The following FHIT variants were observed in gnomAD, a reference collection of about 807,000 sequenced individuals.
FHIT encodes bis(5'-adenosyl)-triphosphatase.
In FHIT, 19 loss-of-function variants were observed where a neutral mutation model predicts 17.9. The ratio of observed to expected loss-of-function variants is 1.06; its 90% CI spans 0.74 to 1.56. The LOEUF is 1.56. Among genes scored for constraint, FHIT ranks in the 40% most tolerant of loss-of-function variants. The pLI is 0.00. For synonymous variants in FHIT, 81 were observed against 69.7 expected, an observed-to-expected ratio of 1.16 and a Z score of -0.81; for missense variants, 248 against 189.2, an observed-to-expected ratio of 1.31 and a Z score of -1.82.
intron 5 of FHIT, among the ~76,000 whole-genome samples, chr3:60,057,131 T>C (rs76209364): frequency 0.023 from 3,556 of 152,264 alleles, 54 homozygotes; most frequent in Non-Finnish European, 0.033. Flanking sequence ...GGAAGTGGGA[T>C]TCACTTTGTG....
intron 5 of FHIT, among the ~76,000 whole-genome samples, chr3:60,376,011 C>G (rs957986902): frequency 6.6e-6 from 1 of 152,134 alleles, no homozygotes; most frequent in African/African-American, 2.4e-5. Flanking sequence ...AATAGCTACA[C>G]GTGGTTAGTG....
chr3:60,174,607 T>C (rs1367382476), intron 5 of FHIT, among the ~76,000 whole-genome samples: 1 of 152,046 alleles, frequency 6.6e-6, no homozygotes, highest in African/African-American at 2.4e-5. Flanking sequence ...AGTTGGAACC[T>C]GATTATAAAT....
At chr3:60,438,819 C>T (rs1358643877) in intron 5 of FHIT, among the ~76,000 whole-genome samples, 2 of 152,080 alleles carry the variant, frequency 1.3e-5, no homozygotes, top group Admixed American at 6.6e-5. Flanking sequence ...GTCCGTGGTA[C>T]CCAGAACACC....
chr3:60,361,996 G>A (rs533832373), intron 5 of FHIT, among the ~76,000 whole-genome samples: 3 of 152,088 alleles, frequency 2.0e-5, no homozygotes, highest in East Asian at 1.9e-4. Context: ...GCATCACATC[G>A]TCACTCAACC....
At chr3:60,103,074 C>G (rs553152317) in intron 5 of FHIT, among the ~76,000 whole-genome samples, 122 of 152,260 alleles carry the variant, frequency 8.0e-4, no homozygotes, top group Non-Finnish European at 1.5e-3. Flanking sequence ...TTAATAAAAG[C>G]TAACACATCA....
intron 5 of FHIT, among the ~76,000 whole-genome samples, chr3:60,142,802 G>C (rs1700095955): frequency 6.6e-6 from 1 of 151,538 alleles, no homozygotes; most frequent in African/African-American, 2.4e-5. Context: ...AGGATCACAG[G>C]CTCAGCCACT....
At chr3:61,114,066 T>G (rs1046639482) in intron 2 of FHIT, among the ~76,000 whole-genome samples, 2 of 152,188 alleles carry the variant, frequency 1.3e-5, no homozygotes, top group Non-Finnish European at 2.9e-5. Context: ...TAAACACTAC[T>G]GGGCACAAAA....
intron 2 of FHIT, among the ~76,000 whole-genome samples, chr3:61,194,443 T>C (rs1299242548): frequency 6.6e-6 from 1 of 152,042 alleles, no homozygotes; most frequent in African/African-American, 2.4e-5. Context: ...AGTTATTTAA[T>C]ATTTTCCTTC....
rs1219006726 is a variant in FHIT at position 60,113,919 on chromosome 3, G to C, written c.104-99767C>G. On this transcript the variant is annotated intron_variant, in intron 5 of 9. Coordinates refer to ENST00000492590, the MANE Select transcript of FHIT (RefSeq NM_002012.4). ...GGGGTGGCTGAGGCAGGAGAATGGC[G>C]TGAACCCGGGAGGCGGAGCTTGCAG... Among the ~76,000 whole-genome samples the C allele has an allele frequency of 4.9e-5, 7 of 141,604 alleles. No homozygotes were observed. The East Asian group carries it at 1.1e-3, about 22-fold the overall frequency. The allele number at this position is 141,604 out of a possible 152,430, so 92.9% of individuals were successfully genotyped here. A position where few individuals can be genotyped will look rare whatever the true frequency, so the allele number is the denominator to read the frequency against.
intron 2 of FHIT, among the ~76,000 whole-genome samples, chr3:61,042,524 T>C (rs746901412): frequency 6.6e-6 from 1 of 152,156 alleles, no homozygotes; most frequent in Non-Finnish European, 1.5e-5. Flanking sequence ...GTTCTGTATA[T>C]ATTTGACATT....
rs182405825 is a variant in FHIT, at chr3:60,191,291, T to C, written c.104-177139A>G. Among the ~76,000 whole-genome samples the C allele has an allele frequency of 1.7e-3, 257 of 152,222 alleles. 1 individual carries two copies. The highest frequency in any genetic ancestry group is 5.8e-3 in the African/African-American group (242 of 41,542). On this transcript the variant is annotated intron_variant, in intron 5 of 9. Coordinates refer to ENST00000492590, the MANE Select transcript of FHIT (RefSeq NM_002012.4). The stretch of plus-strand genomic sequence containing the variant: ...TAAACACATGTTTTATTAAAAGCTA[T>C]AGAAAAAGGGATACATTTGAAATAA...
intron 4 of FHIT, among the ~76,000 whole-genome samples, chr3:60,564,681 A>G (rs2121858): frequency 0.15 from 22,916 of 152,188 alleles, 2,186 homozygotes; most frequent in East Asian, 0.37. Context: ...GTAAAGCCTG[A>G]AGACGTGACT....
chr3:60,535,486 A>G (rs2035948432), intron 5 of FHIT, among the ~76,000 whole-genome samples: 1 of 152,190 alleles, frequency 6.6e-6, no homozygotes. Flanking sequence ...TAGCAAAATA[A>G]AATGTTACTT....
At chr3:61,001,063 G>C (rs182502985) in intron 3 of FHIT, among the ~76,000 whole-genome samples, 2 of 151,672 alleles carry the variant, frequency 1.3e-5, no homozygotes, top group Non-Finnish European at 2.9e-5. Context: ...AAAAATATTC[G>C]ACATCATTAG....
At chr3:60,528,404 CAT>C (rs2035651790) in intron 5 of FHIT, among the ~76,000 whole-genome samples, 2 of 151,634 alleles carry the variant, frequency 1.3e-5, no homozygotes, top group South Asian at 2.1e-4. Context: ...ACCCCAAACA[CAT>C]ATACAAAAGG....
chr3:60,031,446 A>C (rs906724605), intron 5 of FHIT, among the ~76,000 whole-genome samples: 55 of 152,246 alleles, frequency 3.6e-4, no homozygotes, highest in African/African-American at 1.3e-3. Context: ...GTAGAACAGA[A>C]TCTGAATCCA....
intron 3 of FHIT, among the ~76,000 whole-genome samples, chr3:60,912,195 T>C (rs1706781059): frequency 6.6e-6 from 1 of 152,224 alleles, no homozygotes; most frequent in South Asian, 2.1e-4. Context: ...ACAAATAGAA[T>C]ACAATGTAAG....
intron 4 of FHIT, among the ~76,000 whole-genome samples, chr3:60,727,260 T>C (rs370211324): frequency 1.3e-5 from 2 of 152,018 alleles, no homozygotes; most frequent in African/African-American, 4.8e-5. Flanking sequence ...GTATCAGAAA[T>C]GTTCCAAGTC....
intron 4 of FHIT, among the ~76,000 whole-genome samples, chr3:60,650,749 G>A (rs1227043442): frequency 6.6e-6 from 1 of 152,130 alleles, no homozygotes; most frequent in Non-Finnish European, 1.5e-5. Context: ...ATTTGGTGAC[G>A]TTTTTAAGAT....
Sources: gnomAD v4.1 joint callset for allele counts (sites outside exome capture counted in the v4.1 genomes callset) on GRCh38, gnomAD v4.1.1 for gene constraint, MANE v1.5 for transcripts, NCBI Gene and HGNC (gene_info 2026-07-23, HGNC 2026-07-21) for gene names.